The following PRDM2 variants were observed in gnomAD, a reference collection of about 807,000 sequenced individuals.
PRDM2 encodes the protein PR domain zinc finger protein 2.
PRDM2 carries 30 observed loss-of-function variants against 130.0 expected under a neutral mutation model. The observed-to-expected ratio is 0.23, with a 90% confidence interval of 0.17 to 0.31. The LOEUF is 0.31. Ranked by LOEUF, PRDM2 falls within the 10% of genes least tolerant of loss-of-function variation. PRDM2 has a pLI of 1.00. For missense variants in PRDM2, 2,011 were observed against 2,108.4 expected (o/e 0.95, Z 0.90); for synonymous variants, 871 against 782.4 (o/e 1.11, Z -1.89).
intron 2 of PRDM2, among the ~76,000 whole-genome samples, chr1:13,726,820 G>C (rs1001039171): frequency 6.6e-6 from 1 of 152,140 alleles, no homozygotes; most frequent in Non-Finnish European, 1.5e-5. Flanking sequence ...AAGTTCTTTA[G>C]CTTCTTTCAT....
rs886393722 is a variant in PRDM2, at chr1:13,803,420, G to A, written c.5037-13007G>A. ...CTGGTGCTCCCAGTCCAGTGGGGGA[G>A]CCAGGTGGGTAGAGCCAGTTACAGA... On this transcript the variant is annotated intron_variant, in intron 8 of 9. Coordinates refer to ENST00000311066, the MANE Select transcript of PRDM2 (RefSeq NM_001393986.1). The surrounding 1 kb of genome is among the most constrained non-coding windows in gnomAD (Gnocchi z 6.2). 6.6e-6 allele frequency among the ~76,000 whole-genome samples: 1 copy of A among 152,150 alleles called. No homozygotes were observed. Among genetic ancestry groups the A allele is most frequent in the Non-Finnish European group, 1.5e-5 (1 of 68,040 alleles).
rs776947041 is a variant in PRDM2 at position 13,778,643 on chromosome 1, ATG to A, written c.849_850del (p.Asp283GlufsTer2). 8,219 of 1,054,700 alleles carry A rather than the reference ATG, an allele frequency of 7.8e-3. 40 individuals carry two copies. Among genetic ancestry groups the A allele is most frequent in the Middle Eastern group, 0.027 (118 of 4,306 alleles). The allele number at this position is 1,054,700 out of a possible 1,614,324, so 65.3% of individuals were successfully genotyped here. ...GAGGAGGATGAAGAAGAAGAAGAAG[ATG>A]ATGATGATGATGAGTTGGAAGACGA... On this transcript the variant is annotated frameshift_variant, in exon 8 of 10. Transcript: ENST00000311066. LOFTEE classifies it high-confidence loss of function.
At chr1:13,701,358 CTT>C (rs1269749634) in intron 1 of PRDM2, among the ~76,000 whole-genome samples, 3 of 152,130 alleles carry the variant, frequency 2.0e-5, no homozygotes, top group Non-Finnish European at 4.4e-5. Flanking sequence ...GTGACCGAAA[CTT>C]TTAACAACAA....
intron 1 of PRDM2, among the ~76,000 whole-genome samples, chr1:13,710,583 C>G (rs1449150367): frequency 6.6e-6 from 1 of 152,136 alleles, no homozygotes; most frequent in Non-Finnish European, 1.5e-5. Flanking sequence ...GCATGCTCTT[C>G]TGGGACTGAT....
intron 1 of PRDM2, among the ~76,000 whole-genome samples, chr1:13,713,512 A>C (rs1035530139): frequency 4.6e-5 from 7 of 152,214 alleles, no homozygotes; most frequent in Non-Finnish European, 1.0e-4. Flanking sequence ...AAGCTTCATA[A>C]ATGATAGTGA....
intron 7 of PRDM2, among the ~76,000 whole-genome samples, chr1:13,776,141 A>G (rs781278640): frequency 1.2e-4 from 19 of 152,094 alleles, no homozygotes; most frequent in Non-Finnish European, 2.2e-4. Context: ...ACAGCCATCA[A>G]TGTTCTACAG....
At chr1:13,766,652 T>C (rs1242032267) in intron 6 of PRDM2, among the ~76,000 whole-genome samples, 1 of 152,122 alleles carries the variant, frequency 6.6e-6, no homozygotes, top group Non-Finnish European at 1.5e-5. Flanking sequence ...CCAGTTGGAG[T>C]CTTGTCTGCT....
chr1:13,802,792 G>C (rs906139862), intron 8 of PRDM2, among the ~76,000 whole-genome samples: 15 of 152,142 alleles, frequency 9.9e-5, no homozygotes, highest in Admixed American at 2.6e-4. Flanking sequence ...CTTTGTGTTC[G>C]TGTTTTCTTT....
chr1:13,788,094 G>T, intron 8 of PRDM2: 1 of 967,146 alleles, frequency 1.0e-6, no homozygotes, highest in African/African-American at 1.8e-5. Flanking sequence ...TGAAAGGACT[G>T]CATTTTGTAC....
chr1:13,781,071 G>A lies in PRDM2; in HGVS notation c.3276G>A (p.Glu1092=). The A allele has an allele frequency of 1.2e-6, 2 of 1,613,328 alleles. No homozygotes were observed. Among genetic ancestry groups the A allele is most frequent in the East Asian group, 2.2e-5 (1 of 44,856 alleles). The change falls in exon 8 of 10, where the codon GAG becomes GAA. Residue 1092 remains glutamate (E), a synonymous_variant. Coordinates refer to ENST00000311066, the MANE Select transcript of PRDM2 (RefSeq NM_001393986.1). The surrounding 1 kb of genome is among the most constrained non-coding windows in gnomAD (Gnocchi z 6.1). ...TTGTTTCCTCTGGTGATAATCTGGA[G>A]GCTTCTCTCCCCATGATATCTTTCA... ...SSVVSSGDNL[E]ASLPMISFKQ...
chr1:13,782,481 G>C lies in PRDM2; in HGVS notation c.4686G>C (p.Ser1562=), dbSNP rs752445586. The C allele has an allele frequency of 3.7e-6, 6 of 1,613,892 alleles. No homozygotes were observed. The Admixed American group carries it at 8.3e-5, about 22-fold the overall frequency. The stretch of plus-strand genomic sequence containing the variant: ...AGCAGAACGTCAAGTTTGCAGCTTC[G>C]GTGAAATCCAAAAAACCAAGCTCCT... The part of the protein sequence containing the change: ...RSKQNVKFAA[S]VKSKKPSSSS... Residue 1562 remains serine, a synonymous_variant, in exon 8 of 10, where the codon TCG becomes TCC. Transcript: ENST00000311066.
intron 7 of PRDM2, among the ~76,000 whole-genome samples, chr1:13,775,247 T>G (rs772922586): frequency 1.2e-4 from 19 of 152,268 alleles, no homozygotes; most frequent in Non-Finnish European, 2.5e-4. Flanking sequence ...TTGGACAGTT[T>G]TATATCTGGG....
intron 9 of PRDM2, among the ~76,000 whole-genome samples, chr1:13,817,592 G>C (rs1645277900): frequency 6.6e-6 from 1 of 151,266 alleles, no homozygotes; most frequent in Non-Finnish European, 1.5e-5. Context: ...GAAGATCTAG[G>C]ATGCTTTTAT....
chr1:13,758,441 T>C (rs1288159206), intron 6 of PRDM2, among the ~76,000 whole-genome samples: 3 of 143,484 alleles, frequency 2.1e-5, no homozygotes, highest in Non-Finnish European at 4.5e-5. Flanking sequence ...AGTGAGACTT[T>C]GTCTCAAAAA....
intron 1 of PRDM2, 74 bp downstream of exon 1, chr1:13,700,374 G>C (rs1019508961): frequency 2.6e-4 from 39 of 148,898 alleles, no homozygotes; most frequent in African/African-American, 9.0e-4. Flanking sequence ...GGAGCGCGGC[G>C]GCGACGGCGG....
At chr1:13,784,885 T>A (rs1009905985) in intron 8 of PRDM2, among the ~76,000 whole-genome samples, 6 of 152,228 alleles carry the variant, frequency 3.9e-5, no homozygotes, top group African/African-American at 1.4e-4. Flanking sequence ...AGGAATGTGA[T>A]CCAGGGGTCC....
chr1:13,756,000 C>T (rs1448854850), intron 6 of PRDM2, among the ~76,000 whole-genome samples: 2 of 151,638 alleles, frequency 1.3e-5, no homozygotes, highest in Non-Finnish European at 2.9e-5. Context: ...ACCTGTAATC[C>T]CAGCGCTTTG....
chr1:13,780,104 C>G lies in PRDM2; in HGVS notation c.2309C>G (p.Ser770Cys), dbSNP rs1644573466. The change falls in exon 8 of 10, where the codon TCC (serine) becomes TGC (cysteine). Residue 770 changes from serine (S) to cysteine (C), a missense_variant. Transcript: ENST00000311066. ...KAAWTDAGLT[S>C]KKSKLESHSD... ...GCATGGACCGATGCCGGGCTGACTT[C>G]CAAAAAATCCAAATTAGAAAGTCAC... 2 of 1,611,674 alleles carry G rather than the reference C, an allele frequency of 1.2e-6. No homozygotes were observed. The highest frequency in any genetic ancestry group is 1.7e-5 in the Admixed American group (1 of 59,784).
At chr1:13,799,001 G>A (rs2697992) in intron 8 of PRDM2, among the ~76,000 whole-genome samples, 1 of 152,172 alleles carries the variant, frequency 6.6e-6, no homozygotes, top group South Asian at 2.1e-4. Context: ...CCTTCACCGT[G>A]GTGAGTCAGA....
Sources: allele counts gnomAD v4.1 joint callset (sites outside exome capture counted in the v4.1 genomes callset), GRCh38; gene constraint gnomAD v4.1.1; non-coding constraint Gnocchi (gnomAD v3.1); transcripts MANE v1.5; gene names NCBI Gene and HGNC (gene_info 2026-07-23, HGNC 2026-07-21).